NLGN1: variants seen among roughly 807,000 people sequenced by gnomAD.
NLGN1 encodes the protein neuroligin 1.
A neutral mutation model predicts 65.5 loss-of-function variants in NLGN1; 12 were observed. The ratio of observed to expected loss-of-function variants is 0.18; its 90% CI spans 0.12 to 0.30. The LOEUF (loss-of-function observed/expected upper bound fraction) is 0.30. Among genes scored for constraint, NLGN1 ranks in the 10% least tolerant of loss-of-function variants. NLGN1 has a pLI of 1.00. For synonymous variants in NLGN1, 350 were observed against 359.5 expected (o/e 0.97, Z 0.30); for missense variants, 750 against 1,007.1 (o/e 0.74, Z 3.46).
At chr3:173,561,080 G>A (rs993270110) in intron 2 of NLGN1, among the ~76,000 whole-genome samples, 6 of 152,104 alleles carry the variant, frequency 3.9e-5, no homozygotes, top group African/African-American at 1.2e-4. Context: ...TCCTAATCTA[G>A]TCCACAACAC....
intron 3 of NLGN1, among the ~76,000 whole-genome samples, chr3:173,754,101 C>T (rs1308355729): frequency 6.9e-6 from 1 of 144,670 alleles, no homozygotes; most frequent in Non-Finnish European, 1.5e-5. Flanking sequence ...CGGGGTAGTG[C>T]AGTGGCATGA....
At chr3:174,290,113 T>C (rs1752595567), downstream of NLGN1, among the ~76,000 whole-genome samples, 1 of 150,554 alleles carries the variant, frequency 6.6e-6, no homozygotes, top group East Asian at 1.9e-4. Flanking sequence ...GCTATTCCAA[T>C]CAAAATTTCA....
At chr3:173,631,207 T>A (rs1217913565) in intron 3 of NLGN1, among the ~76,000 whole-genome samples, 1 of 152,180 alleles carries the variant, frequency 6.6e-6, no homozygotes, top group Non-Finnish European at 1.5e-5. Flanking sequence ...GAGTAAGGAA[T>A]ACTCTGCTAA....
intron 3 of NLGN1, among the ~76,000 whole-genome samples, chr3:173,655,708 A>G (rs1759899710): frequency 6.6e-6 from 1 of 151,876 alleles, no homozygotes; most frequent in Non-Finnish European, 1.5e-5. Context: ...ATCTCAAATG[A>G]TTTTAAGATA....
intron 3 of NLGN1, among the ~76,000 whole-genome samples, chr3:173,751,921 A>G (rs959289877): frequency 3.9e-5 from 6 of 152,112 alleles, no homozygotes; most frequent in Admixed American, 3.9e-4. Flanking sequence ...TGACACATCT[A>G]GAAAATCACA....
intron 2 of NLGN1, among the ~76,000 whole-genome samples, chr3:173,558,300 T>C (rs1362540558): frequency 6.6e-6 from 1 of 152,120 alleles, no homozygotes; most frequent in East Asian, 1.9e-4. Context: ...AGTGTGATTT[T>C]CTTCCTGTTC....
intron 3 of NLGN1, among the ~76,000 whole-genome samples, chr3:173,760,634 G>T (rs1227344215): frequency 6.6e-6 from 1 of 151,920 alleles, no homozygotes; most frequent in Non-Finnish European, 1.5e-5. Flanking sequence ...AAGTAGCTCA[G>T]TCTAATTTAG....
intron 4 of NLGN1, among the ~76,000 whole-genome samples, chr3:173,837,647 C>T (rs1334183055): frequency 2.0e-5 from 3 of 152,148 alleles, no homozygotes; most frequent in Non-Finnish European, 2.9e-5. Flanking sequence ...TTCCACTGTA[C>T]GAGATGGCCT....
chr3:173,622,993 T>C (rs1754245512), intron 3 of NLGN1, among the ~76,000 whole-genome samples: 1 of 152,156 alleles, frequency 6.6e-6, no homozygotes, highest in Admixed American at 6.6e-5. Context: ...ACAGAGCTTC[T>C]AAATGCATTC....
intron 4 of NLGN1, among the ~76,000 whole-genome samples, chr3:174,234,112 A>G (rs1741218091): frequency 6.6e-6 from 1 of 152,166 alleles, no homozygotes; most frequent in Non-Finnish European, 1.5e-5. Context: ...TCCTCAGAAG[A>G]AAGAATTCAA....
chr3:173,616,972 A>G (rs907025903), intron 3 of NLGN1, among the ~76,000 whole-genome samples: 2 of 152,040 alleles, frequency 1.3e-5, no homozygotes, highest in Non-Finnish European at 2.9e-5. Context: ...TGCCGTTTCA[A>G]TCTCCTTCTG....
intron 3 of NLGN1, among the ~76,000 whole-genome samples, chr3:173,631,379 A>T (rs2149542092): frequency 6.6e-6 from 1 of 152,162 alleles, no homozygotes; most frequent in East Asian, 1.9e-4. Context: ...CAGAGACTTG[A>T]CCTGCCTTTT....
At chr3:174,214,055 T>A (rs1405368523) in intron 4 of NLGN1, among the ~76,000 whole-genome samples, 4 of 152,166 alleles carry the variant, frequency 2.6e-5, no homozygotes, top group Non-Finnish European at 4.4e-5. Flanking sequence ...AATTTTGACT[T>A]ACCGTAAGGG....
intron 2 of NLGN1, among the ~76,000 whole-genome samples, chr3:173,587,473 C>A (rs1226054109): frequency 1.3e-5 from 2 of 152,034 alleles, no homozygotes; most frequent in East Asian, 3.9e-4. Flanking sequence ...GAGCAAGGTA[C>A]CCAGTTAGAT....
chr3:173,488,314 C>T (rs564597183), intron 2 of NLGN1, among the ~76,000 whole-genome samples: 10 of 151,704 alleles, frequency 6.6e-5, no homozygotes, highest in Admixed American at 2.0e-4. Context: ...AAAACATACT[C>T]TTTGTTCATA....
At chr3:173,965,915 T>C (rs1714749449) in intron 4 of NLGN1, among the ~76,000 whole-genome samples, 1 of 152,132 alleles carries the variant, frequency 6.6e-6, no homozygotes, top group African/African-American at 2.4e-5. Flanking sequence ...AATATACATA[T>C]TTTATATTAT....
Position 173,596,266 on chromosome 3 carries a change from A to G in NLGN1, c.-320-8013A>G, listed in dbSNP as rs1207334667. ...AAAGAGAACAAATAGAACCGTTTAT[A>G]TACTCTGCAGAGAAATGGGGAATAT... On this transcript the variant is annotated intron_variant, in intron 2 of 6. Coordinates refer to ENST00000457714, the Ensembl canonical transcript of NLGN1. Among the ~76,000 whole-genome samples the G allele has an allele frequency of 2.6e-5, 4 of 152,136 alleles. No homozygotes were observed. In the South Asian group the frequency reaches 8.3e-4, roughly 32 times the overall value.
intron 4 of NLGN1, among the ~76,000 whole-genome samples, chr3:173,874,763 C>T (rs960799939): frequency 7.2e-5 from 11 of 152,070 alleles, no homozygotes; most frequent in South Asian, 2.1e-4. Flanking sequence ...GATTAGAGAC[C>T]ACTAAGTAAA....
intron 4 of NLGN1, among the ~76,000 whole-genome samples, chr3:174,266,156 G>C (rs691882): frequency 0.14 from 21,418 of 151,534 alleles, 1,655 homozygotes; most frequent in African/African-American, 0.19. Context: ...TATTTTGTGA[G>C]CAAGGTAATG....
Sources: gnomAD v4.1 joint callset for allele counts (sites outside exome capture counted in the v4.1 genomes callset) on GRCh38, gnomAD v4.1.1 for gene constraint, MANE v1.5 for transcripts, NCBI Gene and HGNC (gene_info 2026-07-23, HGNC 2026-07-21) for gene names.